Variants in PITPNC1 observed in about 807,000 individuals in gnomAD.
PITPNC1 encodes cytoplasmic phosphatidylinositol transfer protein 1.
Under a neutral mutation model 44.7 loss-of-function variants are expected in PITPNC1, and 18 were observed. The ratio of observed to expected loss-of-function variants is 0.40; its 90% CI spans 0.28 to 0.60. The LOEUF (loss-of-function observed/expected upper bound fraction) is 0.60, where lower values mean the gene tolerates loss of function less well. PITPNC1 is among the 20% of genes least tolerant of loss of function. PITPNC1 has a pLI of 0.39. For synonymous variants in PITPNC1, 141 were observed against 149.6 expected (o/e 0.94, Z 0.42); for missense variants, 290 against 418.4 (o/e 0.69, Z 2.68).
At chr17:67,555,766 C>A (rs1344860877) in intron 4 of PITPNC1, among the ~76,000 whole-genome samples, 2 of 151,730 alleles carry the variant, frequency 1.3e-5, no homozygotes, top group Non-Finnish European at 2.9e-5. Context: ...ATCATTTGAA[C>A]CCAGGAGGCA....
chr17:67,518,914 C>T (rs1005493624), intron 1 of PITPNC1, among the ~76,000 whole-genome samples: 3 of 152,096 alleles, frequency 2.0e-5, no homozygotes, highest in African/African-American at 7.2e-5. Flanking sequence ...TGCACTGTAG[C>T]CTGGGTGACA....
chr17:67,391,284 A>G (rs8070284), intron 1 of PITPNC1, among the ~76,000 whole-genome samples: 39,086 of 151,564 alleles, frequency 0.26, 5,316 homozygotes, highest in African/African-American at 0.34. Flanking sequence ...CCCTATAATA[A>G]TGTTGTTTAA....
chr17:67,433,655 G>A (rs1197890393), intron 1 of PITPNC1, among the ~76,000 whole-genome samples: 1 of 152,114 alleles, frequency 6.6e-6, no homozygotes, highest in Non-Finnish European at 1.5e-5. Context: ...AGGCTGCAGT[G>A]AGCTATGATT....
chr17:67,610,079 G>C (rs918150921), intron 5 of PITPNC1, among the ~76,000 whole-genome samples: 1 of 152,124 alleles, frequency 6.6e-6, no homozygotes, highest in East Asian at 1.9e-4. Context: ...TTCCTCTGTC[G>C]TTCCGCTATT....
intron 1 of PITPNC1, chr17:67,379,163 C>G (rs555659666): frequency 1.0e-6 from 1 of 985,748 alleles, no homozygotes; most frequent in Non-Finnish European, 1.2e-6. Flanking sequence ...CAAAGCCAAG[C>G]AAGGCAACGT....
At chr17:67,530,002 T>C (rs2040439679) in intron 1 of PITPNC1, among the ~76,000 whole-genome samples, 1 of 151,918 alleles carries the variant, frequency 6.6e-6, no homozygotes, top group South Asian at 2.1e-4. Context: ...GGCTAGAAGT[T>C]TGAAATCAAA....
chr17:67,525,804 G>A (rs188720445), intron 1 of PITPNC1, among the ~76,000 whole-genome samples: 1 of 152,286 alleles, frequency 6.6e-6, no homozygotes, highest in East Asian at 1.9e-4. Flanking sequence ...AAGAATGCAG[G>A]AAACTCCCAA....
chr17:67,587,884 T>C (rs558542215), intron 5 of PITPNC1, among the ~76,000 whole-genome samples: 3 of 152,300 alleles, frequency 2.0e-5, no homozygotes, highest in East Asian at 3.9e-4. Flanking sequence ...AATGTTCTCT[T>C]CCTGACTACA....
intron 5 of PITPNC1, among the ~76,000 whole-genome samples, chr17:67,631,053 G>GTTATTATTATTATTA (rs56142240): frequency 3.9e-5 from 5 of 127,756 alleles, no homozygotes; most frequent in East Asian, 2.2e-4. Flanking sequence ...TGTTGTTGTT[G>GTTATTATTATTATTA]TTATTATTAT....
intron 1 of PITPNC1, among the ~76,000 whole-genome samples, chr17:67,416,150 G>T (rs1423516642): frequency 3.5e-5 from 5 of 143,294 alleles, no homozygotes; most frequent in African/African-American, 1.3e-4. Context: ...ATAAGACTTG[G>T]TCCTTTTTTT....
chr17:67,662,194 C>T (rs1308761947), intron 6 of PITPNC1, among the ~76,000 whole-genome samples: 1 of 152,078 alleles, frequency 6.6e-6, no homozygotes, highest in Non-Finnish European at 1.5e-5. Flanking sequence ...TAGCGTATGC[C>T]TGTAATCACA....
intron 1 of PITPNC1, among the ~76,000 whole-genome samples, chr17:67,472,050 G>T (rs1237112166): frequency 6.6e-6 from 1 of 152,006 alleles, no homozygotes; most frequent in African/African-American, 2.4e-5. Flanking sequence ...TTAGACTGCA[G>T]TTGGGGTTTG....
chr17:67,599,517 G>A (rs1038626851), intron 5 of PITPNC1, among the ~76,000 whole-genome samples: 11 of 152,136 alleles, frequency 7.2e-5, no homozygotes, highest in Non-Finnish European at 4.4e-5. Flanking sequence ...GGATGAGAAA[G>A]GAGCACTCTG....
At chr17:67,546,220 G>A (rs1017798773) in intron 2 of PITPNC1, among the ~76,000 whole-genome samples, 14 of 150,710 alleles carry the variant, frequency 9.3e-5, no homozygotes, top group African/African-American at 3.4e-4. Context: ...ACAGTATATC[G>A]TCTAGAATAT....
chr17:67,629,238 C>CTGTGTGTGTGTGTGTGTG (rs71139164), intron 5 of PITPNC1, among the ~76,000 whole-genome samples: 9,057 of 131,194 alleles, frequency 0.069, 495 homozygotes, highest in African/African-American at 0.11. Flanking sequence ...CTGGGGTATT[C>CTGTGTGTGTGTGTGTGTG]TGTGTGTGTG....
At position 67,586,176 on chromosome 17, in the gene PITPNC1, C is replaced by A. The variant is rs571475845; in HGVS notation, c.366+7919C>A. On this transcript the variant is annotated intron_variant, in intron 5 of 8. Coordinates refer to ENST00000581322, the MANE Select transcript of PITPNC1 (RefSeq NM_012417.4). The stretch of plus-strand genomic sequence containing the variant: ...GCTAGATCACGCAAGAGCTATGGGG[C>A]CATGGCAGAGTGTGGATTTCAGTGC... Among the ~76,000 whole-genome samples, 6 of 152,188 alleles carry A rather than the reference C, an allele frequency of 3.9e-5. No individual in the cohort carries two copies. In the East Asian group the frequency reaches 9.6e-4, roughly 24 times the overall value.
chr17:67,444,537 GA>G (rs1164494831), intron 1 of PITPNC1, among the ~76,000 whole-genome samples: 1 of 152,040 alleles, frequency 6.6e-6, no homozygotes, highest in Non-Finnish European at 1.5e-5. Context: ...AAGGGCTAAG[GA>G]AAAAACTTTG....
chr17:67,487,718 A>G (rs903635760), intron 1 of PITPNC1, among the ~76,000 whole-genome samples: 1 of 152,134 alleles, frequency 6.6e-6, no homozygotes, highest in Non-Finnish European at 1.5e-5. Context: ...TCATCAGGAC[A>G]GGCTTTCTAG....
intron 1 of PITPNC1, among the ~76,000 whole-genome samples, chr17:67,384,229 G>A (rs1183405828): frequency 6.6e-6 from 1 of 151,958 alleles, no homozygotes; most frequent in African/African-American, 2.4e-5. Flanking sequence ...GGAAAGAAAA[G>A]AAAAACAACT....
Sources: allele counts gnomAD v4.1 joint callset (sites outside exome capture counted in the v4.1 genomes callset), GRCh38; gene constraint gnomAD v4.1.1; transcripts MANE v1.5; gene names NCBI Gene and HGNC (gene_info 2026-07-23, HGNC 2026-07-21).